The following EYS variants were observed in gnomAD, a reference collection of about 807,000 sequenced individuals.
The protein encoded by EYS is protein eyes shut homolog.
In EYS, 250 loss-of-function variants were observed where a neutral mutation model predicts 282.1. That is an observed-to-expected ratio of 0.89 (90% CI 0.80 to 0.98). EYS has a LOEUF of 0.98. Among genes scored for constraint, EYS ranks in the 50% least tolerant of loss-of-function variants. The probability of loss-of-function intolerance (pLI) is 0.00; values close to 1 mark genes in which losing one functional copy is unlikely to be tolerated. For missense variants in EYS, 4,016 were observed against 3,709.0 expected, an observed-to-expected ratio of 1.08 and a Z score of -2.15; for synonymous variants, 1,355 against 1,282.9, an observed-to-expected ratio of 1.06 and a Z score of -1.20.
intron 29 of EYS, among the ~76,000 whole-genome samples, chr6:64,350,956 C>T (rs764690526): frequency 6.6e-6 from 1 of 151,452 alleles, no homozygotes; most frequent in South Asian, 2.1e-4. Context: ...TCACTTGGCA[C>T]TTGTCTCCTG....
At chr6:64,029,170 G>A (rs1769690442) in intron 33 of EYS, among the ~76,000 whole-genome samples, 1 of 152,126 alleles carries the variant, frequency 6.6e-6, no homozygotes, top group South Asian at 2.1e-4. Context: ...CAAGCTCCAG[G>A]TTTAAGCCTT....
chr6:64,884,438 A>G (rs758078182), intron 19 of EYS, among the ~76,000 whole-genome samples: 31 of 151,586 alleles, frequency 2.0e-4, no homozygotes, highest in Non-Finnish European at 4.6e-4. Context: ...ATACAAAAGT[A>G]TAACATCCTT....
At chr6:64,455,792 T>TC (rs34586548) in intron 26 of EYS, among the ~76,000 whole-genome samples, 42,123 of 151,982 alleles carry the variant, frequency 0.28, 5,965 homozygotes, top group East Asian at 0.46. Context: ...AGTTTTCAGT[T>TC]TTTTATAAGT....
At chr6:64,440,790 A>G (rs1056979577) in intron 26 of EYS, among the ~76,000 whole-genome samples, 1 of 152,180 alleles carries the variant, frequency 6.6e-6, no homozygotes, top group African/African-American at 2.4e-5. Context: ...CAAACATTAC[A>G]AGAAGAATAT....
At chr6:65,123,541 GA>G (rs1775626768) in intron 12 of EYS, among the ~76,000 whole-genome samples, 1 of 152,162 alleles carries the variant, frequency 6.6e-6, no homozygotes, top group African/African-American at 2.4e-5. Flanking sequence ...GACAGTTTGT[GA>G]TAGGAATTCA....
intron 34 of EYS, among the ~76,000 whole-genome samples, chr6:63,991,852 G>A (rs894268880): frequency 6.6e-6 from 1 of 151,736 alleles, no homozygotes; most frequent in Non-Finnish European, 1.5e-5. Context: ...AAGGCAACTT[G>A]TCATGTAAAT....
intron 26 of EYS, among the ~76,000 whole-genome samples, chr6:64,547,665 A>G (rs1764923548): frequency 1.3e-5 from 2 of 152,192 alleles, no homozygotes; most frequent in African/African-American, 4.8e-5. Context: ...GGCTTCACCC[A>G]GTGGATCCCA....
intron 1 of EYS, among the ~76,000 whole-genome samples, chr6:65,671,607 C>T (rs1244441969): frequency 6.6e-6 from 1 of 152,066 alleles, no homozygotes; most frequent in African/African-American, 2.4e-5. Context: ...ACCAAACCCT[C>T]CTCTGAAAGG....
chr6:65,409,414 T>G (rs1009212793), intron 5 of EYS, among the ~76,000 whole-genome samples: 2 of 152,214 alleles, frequency 1.3e-5, no homozygotes, highest in Non-Finnish European at 2.9e-5. Context: ...AGGCACACCA[T>G]AGTGACATTA....
At chr6:64,189,215 T>A (rs1765035348) in intron 31 of EYS, among the ~76,000 whole-genome samples, 1 of 152,210 alleles carries the variant, frequency 6.6e-6, no homozygotes, top group Non-Finnish European at 1.5e-5. Flanking sequence ...AATACATTTA[T>A]AATGTCTATA....
chr6:64,162,226 C>A (rs2150301682), intron 31 of EYS, among the ~76,000 whole-genome samples: 1 of 152,260 alleles, frequency 6.6e-6, no homozygotes, highest in South Asian at 2.1e-4. Flanking sequence ...AGTCAGAACA[C>A]AAAAATCTCT....
chr6:64,080,875 G>A (rs1047322070), intron 32 of EYS, among the ~76,000 whole-genome samples: 6 of 152,088 alleles, frequency 3.9e-5, no homozygotes, highest in African/African-American at 1.2e-4. Context: ...GTAGATATGC[G>A]GCATTATTTC....
intron 24 of EYS, among the ~76,000 whole-genome samples, chr6:64,600,616 A>G (rs1188908038): frequency 6.6e-6 from 1 of 152,034 alleles, no homozygotes; most frequent in Non-Finnish European, 1.5e-5. Flanking sequence ...TTTTAACAGC[A>G]TTCCTTTTGT....
At chr6:64,536,068 A>T (rs896578895) in intron 26 of EYS, among the ~76,000 whole-genome samples, 22 of 152,104 alleles carry the variant, frequency 1.4e-4, no homozygotes, top group African/African-American at 5.1e-4. Flanking sequence ...TATATCAACT[A>T]TATGTTATTA....
At chr6:64,165,534 C>T (rs1216651267) in intron 31 of EYS, among the ~76,000 whole-genome samples, 1 of 152,034 alleles carries the variant, frequency 6.6e-6, no homozygotes, top group Non-Finnish European at 1.5e-5. Flanking sequence ...TACTTCAGAG[C>T]TTGACTATTA....
At chr6:64,453,969 G>A (rs1038056853) in intron 26 of EYS, among the ~76,000 whole-genome samples, 24 of 152,022 alleles carry the variant, frequency 1.6e-4, no homozygotes, top group African/African-American at 5.5e-4. Flanking sequence ...TAACAAACCC[G>A]CACGTTGTGC....
At chr6:65,235,059 T>C (rs1402129555) in intron 12 of EYS, among the ~76,000 whole-genome samples, 1 of 152,208 alleles carries the variant, frequency 6.6e-6, no homozygotes, top group East Asian at 1.9e-4. Flanking sequence ...TAAAGTTTTA[T>C]CTTTGCAGCA....
At chr6:64,954,328 A>C (rs1191962329) in intron 14 of EYS, among the ~76,000 whole-genome samples, 2 of 152,070 alleles carry the variant, frequency 1.3e-5, no homozygotes, top group Non-Finnish European at 2.9e-5. Flanking sequence ...ACTGTAATAA[A>C]CCATGGGAAA....
intron 1 of EYS, among the ~76,000 whole-genome samples, chr6:65,691,562 G>A (rs529842322): frequency 1.5e-4 from 22 of 149,996 alleles, no homozygotes; most frequent in Admixed American, 1.2e-3. Context: ...ACTTTCTTTT[G>A]TTGTGCAGAC....
Sources: allele counts gnomAD v4.1 joint callset (sites outside exome capture counted in the v4.1 genomes callset), GRCh38; gene constraint gnomAD v4.1.1; transcripts MANE v1.5; gene names NCBI Gene and HGNC (gene_info 2026-07-23, HGNC 2026-07-21).